The following EPM2A variants were observed in gnomAD, a reference collection of about 807,000 sequenced individuals.
EPM2A encodes the protein EPM2A glucan phosphatase, laforin.
In EPM2A, 21 loss-of-function variants were observed where a neutral mutation model predicts 26.5. The ratio of observed to expected loss-of-function variants is 0.79; its 90% CI spans 0.56 to 1.14. EPM2A has a LOEUF of 1.14. Among genes scored for constraint, EPM2A ranks in the 50% most tolerant of loss-of-function variants. The pLI is 0.00. For synonymous variants in EPM2A, 217 were observed against 177.6 expected, an observed-to-expected ratio of 1.22 and a Z score of -1.76; for missense variants, 458 against 440.8, an observed-to-expected ratio of 1.04 and a Z score of -0.35.
At chr6:145,576,693 A>T (rs1405531909) in intron 2 of EPM2A, among the ~76,000 whole-genome samples, 3 of 152,250 alleles carry the variant, frequency 2.0e-5, no homozygotes, top group Non-Finnish European at 4.4e-5. Flanking sequence ...ACAATAAATC[A>T]TCTGAAAGTA....
At chr6:145,559,449 G>T (rs1199603684) in intron 2 of EPM2A, among the ~76,000 whole-genome samples, 1 of 152,074 alleles carries the variant, frequency 6.6e-6, no homozygotes, top group Non-Finnish European at 1.5e-5. Flanking sequence ...AGCAGACTGT[G>T]TGAAAATTAA....
At chr6:145,434,232 T>C (rs1778959417) in intron 4 of EPM2A, among the ~76,000 whole-genome samples, 1 of 151,906 alleles carries the variant, frequency 6.6e-6, no homozygotes, top group African/African-American at 2.4e-5. Flanking sequence ...TCAATTTCTC[T>C]TTGTTTTCTT....
At chr6:145,624,305 C>T (rs913745561), downstream of EPM2A, among the ~76,000 whole-genome samples, 3 of 152,170 alleles carry the variant, frequency 2.0e-5, no homozygotes, top group East Asian at 1.9e-4. Context: ...CACACCTTCT[C>T]GCTCTCACCA....
intron 2 of EPM2A, among the ~76,000 whole-genome samples, chr6:145,536,631 A>T (rs1252870325): frequency 6.6e-6 from 1 of 152,038 alleles, no homozygotes; most frequent in Non-Finnish European, 1.5e-5. Context: ...TCACTCATTC[A>T]CACAAACCTG....
chr6:145,432,651 A>G (rs1778936883), intron 4 of EPM2A, among the ~76,000 whole-genome samples: 1 of 152,152 alleles, frequency 6.6e-6, no homozygotes, highest in South Asian at 2.1e-4. Flanking sequence ...GAGCCCTAAA[A>G]GTTTTAGAAT....
At chr6:145,577,589 A>G (rs1399282431) in intron 2 of EPM2A, among the ~76,000 whole-genome samples, 3 of 151,074 alleles carry the variant, frequency 2.0e-5, no homozygotes, top group Non-Finnish European at 4.4e-5. Context: ...CCCCCCCCCA[A>G]TACAATAATA....
At chr6:145,528,519 C>A (rs939871567) in intron 2 of EPM2A, among the ~76,000 whole-genome samples, 2 of 152,154 alleles carry the variant, frequency 1.3e-5, no homozygotes, top group Non-Finnish European at 2.9e-5. Flanking sequence ...TATGGAACAA[C>A]AAAGCTTGAC....
intron 1 of EPM2A, among the ~76,000 whole-genome samples, chr6:145,689,304 G>A (rs946752083): frequency 1.3e-5 from 2 of 152,112 alleles, no homozygotes; most frequent in Non-Finnish European, 2.9e-5. Context: ...AAAATGAATA[G>A]TAAAATAATT....
At chr6:145,457,334 A>G (rs1011427082) in intron 4 of EPM2A, among the ~76,000 whole-genome samples, 7 of 151,864 alleles carry the variant, frequency 4.6e-5, no homozygotes, top group African/African-American at 1.7e-4. Context: ...AAAAACAAAC[A>G]TTAGCAGGGC....
intron 2 of EPM2A, among the ~76,000 whole-genome samples, chr6:145,658,761 T>G (rs1489887791): frequency 6.6e-6 from 1 of 152,178 alleles, no homozygotes; most frequent in Non-Finnish European, 1.5e-5. Context: ...AAAATTCAAA[T>G]CTCAAAAATG....
chr6:145,493,966 A>G (rs917398746), intron 4 of EPM2A, among the ~76,000 whole-genome samples: 5 of 152,112 alleles, frequency 3.3e-5, no homozygotes, highest in African/African-American at 9.7e-5. Context: ...TATTTCTGCC[A>G]TGTTTTGGTA....
chr6:145,532,602 G>T (rs369910305), intron 2 of EPM2A, among the ~76,000 whole-genome samples: 4 of 152,256 alleles, frequency 2.6e-5, no homozygotes, highest in Non-Finnish European at 5.9e-5. Flanking sequence ...AGTCAGGGCC[G>T]TGGCTGCAAC....
chr6:145,513,939 G>T (rs1780089783), intron 2 of EPM2A, among the ~76,000 whole-genome samples: 1 of 152,116 alleles, frequency 6.6e-6, no homozygotes, highest in South Asian at 2.1e-4. Context: ...ATGCAAATAG[G>T]CAAGGAGCTC....
chr6:145,579,529 C>CT lies in EPM2A; in HGVS notation c.340+55715dup, dbSNP rs1371769037. 2.6e-5 allele frequency among the ~76,000 whole-genome samples: 4 copies of CT among 152,140 alleles called. No homozygotes were observed. The East Asian group carries it at 7.7e-4, about 29-fold the overall frequency. On this transcript the variant is annotated intron_variant, in intron 2 of 3. Transcript: ENST00000450221. ...TACTACCACTTACTTTTACAGGTTT[C>CT]TTTGAACAATGATAGCATGGTGTAA... is the stretch of plus-strand genomic sequence containing the variant.
intron 4 of EPM2A, chr6:145,489,827 G>T: frequency 6.9e-7 from 1 of 1,446,444 alleles, no homozygotes; most frequent in Non-Finnish European, 9.7e-7. Flanking sequence ...GCTTCTAGAA[G>T]TTCAGTTTGT....
chr6:145,727,693 G>A (rs1390048070), intron 1 of EPM2A, among the ~76,000 whole-genome samples: 1 of 152,148 alleles, frequency 6.6e-6, no homozygotes, highest in African/African-American at 2.4e-5. Flanking sequence ...AATAAATGTT[G>A]TACATGATAT....
intron 2 of EPM2A, among the ~76,000 whole-genome samples, chr6:145,564,795 A>C (rs1582857647): frequency 6.7e-6 from 1 of 149,826 alleles, no homozygotes; most frequent in African/African-American, 2.5e-5. Context: ...GGGGGTGTGG[A>C]GGGAGCTGGG....
intron 2 of EPM2A, among the ~76,000 whole-genome samples, chr6:145,561,558 C>T (rs567600833): frequency 2.0e-5 from 3 of 152,226 alleles, no homozygotes; most frequent in East Asian, 3.9e-4. Context: ...ATTAAGGACA[C>T]ACAAATGGTA....
chr6:145,619,702 T>C (rs1258545050), intron 2 of EPM2A, among the ~76,000 whole-genome samples: 1 of 152,008 alleles, frequency 6.6e-6, no homozygotes, highest in Non-Finnish European at 1.5e-5. Context: ...TTTTTTGCCT[T>C]CCTCACAATT....
Sources: gnomAD v4.1 joint callset for allele counts (sites outside exome capture counted in the v4.1 genomes callset) on GRCh38, gnomAD v4.1.1 for gene constraint, MANE v1.5 for transcripts, NCBI Gene and HGNC (gene_info 2026-07-23, HGNC 2026-07-21) for gene names.